EYS: variants seen among roughly 807,000 people sequenced by gnomAD.
EYS encodes the protein protein eyes shut homolog.
EYS carries 250 observed loss-of-function variants against 282.1 expected under a neutral mutation model. The observed-to-expected ratio is 0.89, with a 90% CI of 0.80 to 0.98. EYS has a LOEUF of 0.98. Ranked by LOEUF, EYS falls within the 50% of genes least tolerant of loss-of-function variation. The probability of loss-of-function intolerance (pLI) is 0.00; values close to 1 mark genes in which losing one functional copy is unlikely to be tolerated. For synonymous variants in EYS, 1,355 were observed against 1,282.9 expected (o/e 1.06, Z -1.20); for missense variants, 4,016 against 3,709.0 (o/e 1.08, Z -2.15).
intron 26 of EYS, among the ~76,000 whole-genome samples, chr6:64,577,808 C>A (rs182310569): frequency 1.3e-4 from 20 of 152,186 alleles, no homozygotes; most frequent in African/African-American, 4.8e-4. Context: ...TTGTTAGAGA[C>A]AGTTTTATAG....
chr6:65,347,479 C>G (rs207467068), intron 9 of EYS, among the ~76,000 whole-genome samples: 3 of 151,382 alleles, frequency 2.0e-5, no homozygotes, highest in Non-Finnish European at 4.4e-5. Flanking sequence ...GATATTTTTA[C>G]TTGTCTTGTA....
chr6:65,263,964 A>G (rs1767685731), intron 12 of EYS, among the ~76,000 whole-genome samples: 1 of 152,078 alleles, frequency 6.6e-6, no homozygotes, highest in African/African-American at 2.4e-5. Flanking sequence ...TCAAGAGAAT[A>G]GGAAAAAAGC....
intron 36 of EYS, among the ~76,000 whole-genome samples, chr6:63,818,119 T>C (rs929355027): frequency 6.6e-6 from 1 of 152,182 alleles, no homozygotes; most frequent in Non-Finnish European, 1.5e-5. Context: ...AATTAATAAA[T>C]TATAACAAAT....
At chr6:63,779,267 G>A (rs1281512380) in intron 39 of EYS, 1 of 151,812 alleles carries the variant, frequency 6.6e-6, no homozygotes, top group Non-Finnish European at 1.5e-5. Flanking sequence ...GACCATCCTG[G>A]CTAACATGGT....
chr6:64,212,253 ACTC>A (rs1378270933), intron 31 of EYS, among the ~76,000 whole-genome samples: 1 of 152,122 alleles, frequency 6.6e-6, no homozygotes, highest in African/African-American at 2.4e-5. Context: ...AAGTAGGACT[ACTC>A]AAATAATTTA....
intron 12 of EYS, among the ~76,000 whole-genome samples, chr6:65,160,169 G>A (rs1764820163): frequency 1.3e-5 from 2 of 150,706 alleles, no homozygotes; most frequent in Admixed American, 1.3e-4. Flanking sequence ...GCTAACTATG[G>A]TCTACTGGAT....
At chr6:64,539,740 G>A (rs943288986) in intron 26 of EYS, among the ~76,000 whole-genome samples, 2 of 152,118 alleles carry the variant, frequency 1.3e-5, no homozygotes, top group African/African-American at 2.4e-5. Flanking sequence ...ATTTGAATTG[G>A]CATGTAAGAT....
intron 33 of EYS, among the ~76,000 whole-genome samples, chr6:64,009,035 T>C (rs1039988264): frequency 3.3e-5 from 5 of 152,238 alleles, no homozygotes; most frequent in African/African-American, 1.2e-4. Context: ...GAGGAAATTT[T>C]CATGAATGAT....
chr6:64,769,147 G>A (rs1773448026), intron 22 of EYS, among the ~76,000 whole-genome samples: 1 of 152,094 alleles, frequency 6.6e-6, no homozygotes, highest in African/African-American at 2.4e-5. Context: ...TAATGGGACA[G>A]CAACTAAAGA....
chr6:64,479,826 A>G (rs752676025), intron 26 of EYS, among the ~76,000 whole-genome samples: 9 of 151,938 alleles, frequency 5.9e-5, no homozygotes, highest in Admixed American at 1.3e-4. Flanking sequence ...GCATAATACA[A>G]TAAAGTTTAT....
intron 22 of EYS, among the ~76,000 whole-genome samples, chr6:64,650,437 G>A (rs1768517503): frequency 6.6e-6 from 1 of 151,832 alleles, no homozygotes; most frequent in African/African-American, 2.4e-5. Context: ...AAAACAAAGA[G>A]AAACCCCAAA....
chr6:64,136,902 G>T (rs1774178131), intron 31 of EYS, among the ~76,000 whole-genome samples: 1 of 152,122 alleles, frequency 6.6e-6, no homozygotes, highest in Non-Finnish European at 1.5e-5. Context: ...TCCCTAACAA[G>T]AAAGTCAGCC....
chr6:63,945,868 A>G (rs1765380589), intron 35 of EYS, among the ~76,000 whole-genome samples: 1 of 152,200 alleles, frequency 6.6e-6, no homozygotes, highest in Non-Finnish European at 1.5e-5. Flanking sequence ...AATAACTCAC[A>G]CTATCATATC....
chr6:65,485,394 T>C (rs1221115733), intron 5 of EYS, among the ~76,000 whole-genome samples: 3 of 152,238 alleles, frequency 2.0e-5, no homozygotes, highest in African/African-American at 7.2e-5. Flanking sequence ...ATCAAATGAC[T>C]GTCCCAAAAT....
chr6:64,442,672 T>A (rs1774988772), intron 26 of EYS, among the ~76,000 whole-genome samples: 1 of 152,266 alleles, frequency 6.6e-6, no homozygotes, highest in South Asian at 2.1e-4. Flanking sequence ...CAGCCATGAC[T>A]AAAAGGGGCC....
At chr6:65,672,778 C>T (rs1337084677) in intron 1 of EYS, among the ~76,000 whole-genome samples, 3 of 151,962 alleles carry the variant, frequency 2.0e-5, no homozygotes, top group Non-Finnish European at 2.9e-5. Context: ...TCATGCGAGT[C>T]CATGTGAAGA....
chr6:64,510,581 C>T (rs1001983109), intron 26 of EYS, among the ~76,000 whole-genome samples: 3 of 152,044 alleles, frequency 2.0e-5, no homozygotes, highest in Admixed American at 1.3e-4. Flanking sequence ...CTGTATAAAA[C>T]GTGATTTAAA....
At chr6:65,108,221 A>C (rs1007256392) in intron 12 of EYS, among the ~76,000 whole-genome samples, 8 of 152,194 alleles carry the variant, frequency 5.3e-5, no homozygotes, top group African/African-American at 1.9e-4. Flanking sequence ...AGCTTAGTTT[A>C]AAATATCTCT....
intron 12 of EYS, among the ~76,000 whole-genome samples, chr6:65,269,617 T>C (rs1767844777): frequency 6.6e-6 from 1 of 152,112 alleles, no homozygotes; most frequent in Admixed American, 6.6e-5. Flanking sequence ...CAAAGTACCA[T>C]ATACTAGGTG....
Sources: gnomAD v4.1 joint callset for allele counts (sites outside exome capture counted in the v4.1 genomes callset) on GRCh38, gnomAD v4.1.1 for gene constraint, MANE v1.5 for transcripts, NCBI Gene and HGNC (gene_info 2026-07-23, HGNC 2026-07-21) for gene names.